PTGR1: variants seen among roughly 807,000 people sequenced by gnomAD.
PTGR1 encodes prostaglandin reductase 1.
In PTGR1, 23 loss-of-function variants were observed where a neutral mutation model predicts 37.7. The ratio of observed to expected loss-of-function variants is 0.61; its 90% CI spans 0.44 to 0.86. PTGR1 has a LOEUF of 0.86. Among genes scored for constraint, PTGR1 ranks in the 40% least tolerant of loss-of-function variants. PTGR1 has a pLI of 0.00. For synonymous variants in PTGR1, 134 were observed against 140.0 expected (o/e 0.96, Z 0.30); for missense variants, 351 against 394.3 (o/e 0.89, Z 0.93).
At chr9:111,592,751 C>A (rs544111265) in intron 4 of PTGR1, 175 bp downstream of exon 4, 9 of 820,198 alleles carry the variant, frequency 1.1e-5, no homozygotes, top group Non-Finnish European at 1.4e-5. Flanking sequence ...ACATCCTTCC[C>A]TCCTTTCCAG....
chr9:111,570,511 C>G (rs1828769984), intron 8 of PTGR1, among the ~76,000 whole-genome samples: 2 of 151,998 alleles, frequency 1.3e-5, no homozygotes, highest in Admixed American at 1.3e-4. Context: ...TGGCTCACAC[C>G]TGTAATCCCA....
At chr9:111,558,302 G>A (rs1411193979), downstream of PTGR1, among the ~76,000 whole-genome samples, 5 of 152,086 alleles carry the variant, frequency 3.3e-5, no homozygotes, top group African/African-American at 1.2e-4. Context: ...TCCATGATTT[G>A]TCTAGTGGGA....
At chr9:111,560,422 C>T (rs1311818523), downstream of PTGR1, among the ~76,000 whole-genome samples, 4 of 132,826 alleles carry the variant, frequency 3.0e-5, no homozygotes, top group African/African-American at 5.8e-5. Flanking sequence ...TGCACTGAGC[C>T]GAGATCAGGC....
intron 5 of PTGR1, among the ~76,000 whole-genome samples, chr9:111,585,029 C>A (rs1232588616): frequency 6.6e-6 from 1 of 151,678 alleles, no homozygotes; most frequent in Non-Finnish European, 1.5e-5. Context: ...GAATTTCAGA[C>A]AAATTCATGT....
At chr9:111,565,357 T>C (rs868705548) in intron 9 of PTGR1, among the ~76,000 whole-genome samples, 2 of 152,154 alleles carry the variant, frequency 1.3e-5, no homozygotes, top group Non-Finnish European at 2.9e-5. Flanking sequence ...AATAAGTTTG[T>C]TGTTTAAGCC....
downstream of PTGR1, among the ~76,000 whole-genome samples, chr9:111,560,302 G>A (rs531257547): frequency 5.2e-4 from 79 of 151,580 alleles, 2 homozygotes; most frequent in South Asian, 8.6e-3. Flanking sequence ...AACACAGGGC[G>A]TCTCTACTAA....
intron 7 of PTGR1, chr9:111,576,475 T>A: frequency 6.2e-7 from 1 of 1,609,036 alleles, no homozygotes; most frequent in Non-Finnish European, 8.5e-7. Context: ...ATGGGGCCAC[T>A]GCAGTGCAGT....
intron 2 of PTGR1, among the ~76,000 whole-genome samples, chr9:111,596,199 C>T (rs1197353223): frequency 1.3e-5 from 2 of 152,218 alleles, no homozygotes; most frequent in African/African-American, 4.8e-5. Context: ...CCCTTGTGTG[C>T]TTGTCTCCTT....
intron 5 of PTGR1, 39 bp downstream of exon 5, chr9:111,585,959 C>A: frequency 6.2e-7 from 1 of 1,607,168 alleles, no homozygotes. Flanking sequence ...ATCAGAGTGT[C>A]AGACATTCAA....
intron 8 of PTGR1, among the ~76,000 whole-genome samples, chr9:111,570,866 G>A (rs1307413311): frequency 1.3e-5 from 2 of 152,272 alleles, no homozygotes; most frequent in East Asian, 1.9e-4. Context: ...AAAGGTCTTC[G>A]TAAGGGAATG....
In PTGR1 at chr9:111,583,553, A is replaced by G; in HGVS notation, c.414T>C (p.Gly138=). 1.2e-6 allele frequency: 2 copies of G among 1,613,946 alleles called. No homozygotes were observed. The highest frequency in any genetic ancestry group is 2.2e-5 in the East Asian group (1 of 44,890). The part of the protein sequence containing the change: ...TAYFGLLEIC[G]VKGGETVMVN... ...CCATCACTGTTTCTCCACCCTTCACACCACAGATTTCAAGTAGGCCAAAGT... is the reference window on the plus strand; with the variant it reads ...CCATCACTGTTTCTCCACCCTTCACGCCACAGATTTCAAGTAGGCCAAAGT... The change falls in exon 6 of 10, where the codon GGT becomes GGC. Residue 138 remains glycine, a synonymous_variant. Transcript: ENST00000407693.
intron 2 of PTGR1, 101 bp downstream of exon 2, chr9:111,597,216 G>A (rs1049818108): frequency 2.2e-5 from 19 of 880,098 alleles, no homozygotes; most frequent in Middle Eastern, 3.3e-4. Flanking sequence ...CTAATAAACC[G>A]TTGTTGCTTA....
chr9:111,593,670 GCTT>G lies in PTGR1; in HGVS notation c.152+549_152+551del, dbSNP rs112233526. Among the ~76,000 whole-genome samples the G allele has an allele frequency of 2.9e-3, 434 of 152,232 alleles. 3 individuals carry two copies. The highest frequency in any genetic ancestry group is 8.6e-3 in the African/African-American group (358 of 41,542). On this transcript the variant is annotated intron_variant, in intron 3 of 9. Coordinates refer to ENST00000407693, the MANE Select transcript of PTGR1 (RefSeq NM_001146108.2). ...AGTGAAATGCACAAATTGGGGTTTG[GCTT>G]CTTTTTTCTTTATGAGACGGGGTCT... is the stretch of plus-strand genomic sequence containing the variant.
chr9:111,567,829 C>T (rs527617770), intron 9 of PTGR1, among the ~76,000 whole-genome samples: 3 of 152,240 alleles, frequency 2.0e-5, no homozygotes, highest in Non-Finnish European at 4.4e-5. Context: ...GGACCCCAAA[C>T]GGAGGGACTG....
intron 4 of PTGR1, among the ~76,000 whole-genome samples, chr9:111,589,628 A>T (rs1048677686): frequency 6.6e-6 from 1 of 150,430 alleles, no homozygotes; most frequent in African/African-American, 2.4e-5. Flanking sequence ...TATAAAATAC[A>T]GAAAACATGA....
chr9:111,563,694 G>A (rs2132317837), intron 9 of PTGR1: 1 of 154,470 alleles, frequency 6.5e-6, no homozygotes, highest in East Asian at 1.9e-4. Context: ...TTTTAGTAGG[G>A]ACAGGGCTTC....
chr9:111,569,800 A>G, intron 9 of PTGR1: 1 of 383,018 alleles, frequency 2.6e-6, no homozygotes, highest in Non-Finnish European at 4.9e-6. Flanking sequence ...ATGGAAAGAG[A>G]GGAATGGCAG....
chr9:111,596,348 C>T (rs2132446548), intron 2 of PTGR1, among the ~76,000 whole-genome samples: 1 of 152,298 alleles, frequency 6.6e-6, no homozygotes, highest in East Asian at 1.9e-4. Context: ...GGCATGGTGG[C>T]TCACACCTTT....
At chr9:111,580,554 G>A (rs574218256) in intron 6 of PTGR1, among the ~76,000 whole-genome samples, 121 of 152,188 alleles carry the variant, frequency 8.0e-4, no homozygotes, top group Middle Eastern at 3.4e-3. Context: ...TCGGGAGTTC[G>A]AGACCAGCCT....
Sources: gnomAD v4.1 joint callset for allele counts (sites outside exome capture counted in the v4.1 genomes callset) on GRCh38, gnomAD v4.1.1 for gene constraint, MANE v1.5 for transcripts, NCBI Gene and HGNC (gene_info 2026-07-23, HGNC 2026-07-21) for gene names.